SYN3: variants seen among roughly 807,000 people sequenced by gnomAD.
The protein encoded by SYN3 is synapsin III, also known as synapsin-3.
Under a neutral mutation model 65.8 loss-of-function variants are expected in SYN3, and 35 were observed. The ratio of observed to expected loss-of-function variants is 0.53; its 90% CI spans 0.41 to 0.70. The LOEUF (loss-of-function observed/expected upper bound fraction) is 0.70. Ranked by LOEUF, SYN3 falls within the 30% of genes least tolerant of loss-of-function variation. The pLI, the probability that SYN3 is intolerant of heterozygous loss-of-function variation, is 0.00. For synonymous variants in SYN3, 270 were observed against 292.9 expected, an observed-to-expected ratio of 0.92 and a Z score of 0.80; for missense variants, 680 against 749.0, an observed-to-expected ratio of 0.91 and a Z score of 1.08.
intron 3 of SYN3, among the ~76,000 whole-genome samples, chr22:32,948,732 G>A (rs10222305): frequency 0.18 from 6,492 of 37,092 alleles, 446 homozygotes; most frequent in African/African-American, 0.38. Context: ...GTGAGACTCC[G>A]TCTCAATAAA....
intron 6 of SYN3, among the ~76,000 whole-genome samples, chr22:32,831,813 T>C: frequency 6.6e-6 from 1 of 152,130 alleles, no homozygotes; most frequent in East Asian, 1.9e-4. Context: ...TACTCTTGGC[T>C]GGACTGTCAG....
chr22:32,868,277 CAT>C (rs1032294240), intron 5 of SYN3, among the ~76,000 whole-genome samples: 16 of 149,040 alleles, frequency 1.1e-4, no homozygotes, highest in Admixed American at 6.0e-4. Context: ...TATATAATAA[CAT>C]GTTTTGTTAT....
At chr22:32,798,936 C>T (rs1048549832) in intron 6 of SYN3, among the ~76,000 whole-genome samples, 3 of 152,090 alleles carry the variant, frequency 2.0e-5, no homozygotes, top group Non-Finnish European at 4.4e-5. Flanking sequence ...CGTGATCCGC[C>T]CACCTTGGCC....
intron 2 of SYN3, among the ~76,000 whole-genome samples, chr22:32,986,896 G>T (rs746978455): frequency 6.6e-6 from 1 of 152,128 alleles, no homozygotes; most frequent in Non-Finnish European, 1.5e-5. Context: ...CCAGGAAGAA[G>T]AATATTATAA....
intron 6 of SYN3, among the ~76,000 whole-genome samples, chr22:32,771,015 C>T (rs1195117993): frequency 1.3e-5 from 2 of 152,018 alleles, no homozygotes; most frequent in East Asian, 3.9e-4. Flanking sequence ...AGGTTTTAAG[C>T]CCCACATGCA....
chr22:32,796,769 A>G (rs1569231125), intron 6 of SYN3, among the ~76,000 whole-genome samples: 2 of 152,142 alleles, frequency 1.3e-5, no homozygotes, highest in South Asian at 2.1e-4. Flanking sequence ...GAGCTTCCCT[A>G]TGAGGCAACA....
At position 32,509,865 on chromosome 22, in the gene SYN3, G is replaced by A. The variant is rs1023624249; in HGVS notation, c.*3827C>T. 6.6e-6 allele frequency among the ~76,000 whole-genome samples: 1 copy of A among 152,160 alleles called. No individual in the cohort carries two copies. Among genetic ancestry groups the A allele is most frequent in the Non-Finnish European group, 1.5e-5 (1 of 68,030 alleles). ...TTACTGATGTGAGCCACTGCGCCTG[G>A]CCCCAGTGGGGAAATTATTTAAATG... On this transcript the variant is annotated 3_prime_UTR_variant, in exon 14 of 14. Transcript: ENST00000358763.
At chr22:33,031,087 C>T (rs192533671) in intron 1 of SYN3, among the ~76,000 whole-genome samples, 1 of 152,236 alleles carries the variant, frequency 6.6e-6, no homozygotes, top group South Asian at 2.1e-4. Flanking sequence ...AGTCTTACCA[C>T]CTTCAGTTGC....
chr22:32,760,251 G>A (rs973642036), intron 6 of SYN3, among the ~76,000 whole-genome samples: 1 of 132,482 alleles, frequency 7.5e-6, no homozygotes, highest in African/African-American at 3.0e-5. Context: ...ATGCAGGCCT[G>A]CGGCCCTTCC....
At chr22:32,913,413 C>T (rs561829500) in intron 4 of SYN3, among the ~76,000 whole-genome samples, 27 of 152,070 alleles carry the variant, frequency 1.8e-4, no homozygotes, top group African/African-American at 6.3e-4. Flanking sequence ...CCACCTCGGC[C>T]TCCCAAAGTG....
chr22:32,998,976 C>G (rs1335898486), intron 2 of SYN3, among the ~76,000 whole-genome samples: 1 of 152,086 alleles, frequency 6.6e-6, no homozygotes, highest in Non-Finnish European at 1.5e-5. Context: ...TCAGACTCCA[C>G]TATGCCCAGT....
chr22:32,645,241 C>T (rs964387519), intron 6 of SYN3, among the ~76,000 whole-genome samples: 5 of 152,124 alleles, frequency 3.3e-5, no homozygotes, highest in African/African-American at 7.2e-5. Context: ...CACCTGAGGT[C>T]GGGAGTTCGA....
chr22:32,808,740 A>G (rs953884117), intron 6 of SYN3, among the ~76,000 whole-genome samples: 1 of 152,130 alleles, frequency 6.6e-6, no homozygotes, highest in East Asian at 1.9e-4. Flanking sequence ...ACTCCTTGGC[A>G]TTGGTACAGA....
intron 6 of SYN3, among the ~76,000 whole-genome samples, chr22:32,617,379 C>T (rs567192147): frequency 2.6e-5 from 4 of 151,956 alleles, no homozygotes; most frequent in South Asian, 2.1e-4. Context: ...AGATTGGGCA[C>T]GTCCTGGAAC....
intron 4 of SYN3, among the ~76,000 whole-genome samples, chr22:32,885,984 C>G (rs1226248808): frequency 6.6e-6 from 1 of 152,142 alleles, no homozygotes; most frequent in Non-Finnish European, 1.5e-5. Flanking sequence ...ACATGGCCAC[C>G]AAACAGCTGA....
chr22:33,044,538 C>T (rs1198331253), intron 1 of SYN3, among the ~76,000 whole-genome samples: 1 of 152,078 alleles, frequency 6.6e-6, no homozygotes, highest in African/African-American at 2.4e-5. Context: ...CCTCACCCAA[C>T]ATAAGCTTAT....
chr22:32,720,079 T>A (rs927109545), intron 6 of SYN3, among the ~76,000 whole-genome samples: 1 of 152,150 alleles, frequency 6.6e-6, no homozygotes, highest in African/African-American at 2.4e-5. Flanking sequence ...TGGAATCTAG[T>A]CTTTTCAGTT....
At chr22:32,709,601 T>G (rs2060928255) in intron 6 of SYN3, among the ~76,000 whole-genome samples, 1 of 152,118 alleles carries the variant, frequency 6.6e-6, no homozygotes, top group Non-Finnish European at 1.5e-5. Flanking sequence ...AGTAATAATC[T>G]CAGTACAAAA....
At chr22:32,580,569 C>A (rs1223844058) in intron 7 of SYN3, among the ~76,000 whole-genome samples, 1 of 151,990 alleles carries the variant, frequency 6.6e-6, no homozygotes, top group African/African-American at 2.4e-5. Context: ...AGGCTTCCAC[C>A]GGGAGTCTTG....
Sources: allele counts gnomAD v4.1 joint callset (sites outside exome capture counted in the v4.1 genomes callset), GRCh38; gene constraint gnomAD v4.1.1; transcripts MANE v1.5; gene names NCBI Gene and HGNC (gene_info 2026-07-23, HGNC 2026-07-21).